The following GRK5 variants were observed in gnomAD, a reference collection of about 807,000 sequenced individuals.
GRK5 encodes g protein-coupled receptor kinase GRK5.
GRK5 carries 40 observed loss-of-function variants against 78.4 expected under a neutral mutation model. The observed-to-expected ratio is 0.51, with a 90% confidence interval of 0.40 to 0.66. The LOEUF is 0.66. GRK5 is among the 30% of genes least tolerant of loss of function. GRK5 has a pLI of 0.00. For synonymous variants in GRK5, 289 were observed against 296.8 expected (o/e 0.97, Z 0.27); for missense variants, 598 against 759.9 (o/e 0.79, Z 2.50).
intron 12 of GRK5, among the ~76,000 whole-genome samples, 193 bp downstream of exon 12, chr10:119,443,945 A>G (rs1005981426): frequency 1.3e-5 from 2 of 152,114 alleles, no homozygotes; most frequent in African/African-American, 4.8e-5. Context: ...GGAGACTTCC[A>G]GGAGAAAGCC....
rs1301960917 is a variant in GRK5, at chr10:119,405,925, G to GC, written c.339+9155dup. Among the ~76,000 whole-genome samples the GC allele has an allele frequency of 2.6e-5, 4 of 152,334 alleles. No individual in the cohort carries two copies. In the East Asian group the frequency reaches 7.7e-4, roughly 29 times the overall value. On this transcript the variant is annotated intron_variant, in intron 4 of 15. Transcript: ENST00000392870. The stretch of plus-strand genomic sequence containing the variant: ...AAAGGAAACCTTGTACCAGGAACAT[G>GC]CCTGGAGAACCAGTATTGATTTGTC...
At chr10:119,269,712 AAT>A (rs1849555762) in intron 1 of GRK5, among the ~76,000 whole-genome samples, 1 of 151,834 alleles carries the variant, frequency 6.6e-6, no homozygotes, top group Non-Finnish European at 1.5e-5. Context: ...GTGCTCCTGT[AAT>A]CCCAGCTACT....
At chr10:119,266,797 C>T (rs1849505828) in intron 1 of GRK5, among the ~76,000 whole-genome samples, 1 of 146,992 alleles carries the variant, frequency 6.8e-6, no homozygotes, top group African/African-American at 2.5e-5. Context: ...TTTATGGAGA[C>T]AGGGTCTTGC....
intron 2 of GRK5, among the ~76,000 whole-genome samples, chr10:119,351,093 G>A (rs185709076): frequency 2.4e-4 from 36 of 152,282 alleles, no homozygotes; most frequent in African/African-American, 7.7e-4. Context: ...TCAGAATCAT[G>A]TTAGGAAGTG....
chr10:119,438,769 A>G (rs1852974871), intron 9 of GRK5, among the ~76,000 whole-genome samples: 1 of 152,236 alleles, frequency 6.6e-6, no homozygotes, highest in Non-Finnish European at 1.5e-5. Context: ...GCTTGTTGAG[A>G]TGATGGCTGC....
intron 2 of GRK5, chr10:119,335,074 TA>T (rs929833579): frequency 6.7e-6 from 1 of 148,216 alleles, no homozygotes; most frequent in African/African-American, 2.5e-5. Context: ...AGTAGTCTAG[TA>T]CTTGGTTATT....
At chr10:119,394,294 C>CCGTGTATCTATGTGTGGGTGTGTGTGTG (rs1564916955) in intron 3 of GRK5, among the ~76,000 whole-genome samples, 1 of 4,014 alleles carries the variant, frequency 2.5e-4, no homozygotes, top group African/African-American at 1.2e-3. Context: ...GGGTGTGTAT[C>CCGTGTATCTATGTGTGGGTGTGTGTGTG]TGTGTGTCTG....
At chr10:119,319,091 C>T (rs1442865740) in intron 1 of GRK5, among the ~76,000 whole-genome samples, 3 of 152,292 alleles carry the variant, frequency 2.0e-5, no homozygotes, top group African/African-American at 4.8e-5. Context: ...CCTCCTCCTG[C>T]GGGGCCCCCA....
intron 2 of GRK5, among the ~76,000 whole-genome samples, chr10:119,377,614 G>A (rs1295997804): frequency 6.6e-6 from 1 of 152,134 alleles, no homozygotes; most frequent in Admixed American, 6.5e-5. Context: ...TCGGAACTGA[G>A]GTGCTGACAG....
At chr10:119,237,689 G>A (rs771063378) in intron 1 of GRK5, among the ~76,000 whole-genome samples, 1 of 152,186 alleles carries the variant, frequency 6.6e-6, no homozygotes. Context: ...GAGCCGGAGA[G>A]GGGGAGGGAA....
intron 1 of GRK5, among the ~76,000 whole-genome samples, chr10:119,240,984 C>T (rs573475117): frequency 2.4e-4 from 36 of 152,306 alleles, no homozygotes; most frequent in African/African-American, 8.4e-4. Context: ...GCTCTGGGGT[C>T]GGAGCAGGCA....
intron 1 of GRK5, among the ~76,000 whole-genome samples, chr10:119,230,830 C>CAAAAAAAAAAA (rs5788332): frequency 1.6e-5 from 1 of 61,522 alleles, no homozygotes; most frequent in Non-Finnish European, 2.8e-5. Flanking sequence ...GACCCTATCT[C>CAAAAAAAAAAA]AAAAAAAAAA....
At chr10:119,424,893 G>T in intron 5 of GRK5, 100 bp from the exon 6 acceptor site, 1 of 809,128 alleles carries the variant, frequency 1.2e-6, no homozygotes, top group Middle Eastern at 2.3e-4. Flanking sequence ...TGGGTTGAGA[G>T]GCCCTGTTTA....
chr10:119,284,192 G>A (rs917886324), intron 1 of GRK5, among the ~76,000 whole-genome samples: 1 of 152,154 alleles, frequency 6.6e-6, no homozygotes, highest in Non-Finnish European at 1.5e-5. Context: ...CTCTTATGAA[G>A]TAGAAAAAAT....
chr10:119,368,863 C>T (rs770994560), intron 2 of GRK5, among the ~76,000 whole-genome samples: 2 of 152,194 alleles, frequency 1.3e-5, no homozygotes, highest in Non-Finnish European at 2.9e-5. Context: ...ACAGAAGCCA[C>T]CTTAGGCACA....
intron 2 of GRK5, among the ~76,000 whole-genome samples, chr10:119,343,489 C>A (rs1379395640): frequency 2.0e-5 from 3 of 152,250 alleles, no homozygotes; most frequent in Non-Finnish European, 2.9e-5. Flanking sequence ...AAGTTGCTCA[C>A]AGGCACAGAT....
At chr10:119,351,273 T>G (rs915113) in intron 2 of GRK5, among the ~76,000 whole-genome samples, 45,806 of 151,972 alleles carry the variant, frequency 0.3, 6,943 homozygotes, top group East Asian at 0.38. Context: ...ACTGTAATGG[T>G]GGTAACTCTT....
In GRK5 at chr10:119,430,513, T is replaced by A; in HGVS notation, c.597+75T>A. The A allele has an allele frequency of 7.1e-7, 1 of 1,413,672 alleles. No homozygotes were observed. Among genetic ancestry groups the A allele is most frequent in the Non-Finnish European group, 9.9e-7 (1 of 1,012,124 alleles). 87.6% of individuals were successfully genotyped at this position (1,413,672 alleles called of 1,614,324 possible). ...CTTTCCTGTCCCTTCTAAATCAACC[T>A]AAAGGGTTGGCCCACGGGTCCCCCG... On this transcript the variant is annotated intron_variant, in intron 7 of 15. Coordinates refer to ENST00000392870, the MANE Select transcript of GRK5 (RefSeq NM_005308.3). This position sits in a 1 kb window ranked among gnomAD's most constrained non-coding sequence, Gnocchi z 4.5.
chr10:119,221,589 G>T (rs1387050041), intron 1 of GRK5, among the ~76,000 whole-genome samples: 2 of 152,166 alleles, frequency 1.3e-5, no homozygotes, highest in African/African-American at 4.8e-5. Context: ...CCCCTAGAAT[G>T]AGCCATTTAA....
Sources: gnomAD v4.1 joint callset for allele counts (sites outside exome capture counted in the v4.1 genomes callset) on GRCh38, gnomAD v4.1.1 for gene constraint, Gnocchi (gnomAD v3.1) non-coding constraint, MANE v1.5 for transcripts, NCBI Gene and HGNC (gene_info 2026-07-23, HGNC 2026-07-21) for gene names.